EVC: variants seen among roughly 807,000 people sequenced by gnomAD.
EVC encodes evC complex member EVC.
In EVC, 116 loss-of-function variants were observed where a neutral mutation model predicts 118.9. The ratio of observed to expected loss-of-function variants is 0.98; its 90% CI spans 0.84 to 1.14. The LOEUF is 1.14. Among genes scored for constraint, EVC ranks in the 50% most tolerant of loss-of-function variants. EVC has a pLI of 0.00. For synonymous variants in EVC, 619 were observed against 534.7 expected, an observed-to-expected ratio of 1.16 and a Z score of -2.18; for missense variants, 1,401 against 1,246.4, an observed-to-expected ratio of 1.12 and a Z score of -1.87.
chr4:5,795,744 G>C (rs191653740), intron 13 of EVC, among the ~76,000 whole-genome samples: 14 of 152,218 alleles, frequency 9.2e-5, no homozygotes, highest in Non-Finnish European at 1.3e-4. Flanking sequence ...AACAGAGAGC[G>C]ATTGGGGAAT....
chr4:5,740,634 T>C (rs530065848), intron 5 of EVC, among the ~76,000 whole-genome samples: 1 of 152,144 alleles, frequency 6.6e-6, no homozygotes. Context: ...AAAGACCTCT[T>C]TAAGAAGATG....
At chr4:5,805,199 C>A (rs1343641498) in intron 17 of EVC, among the ~76,000 whole-genome samples, 4 of 152,172 alleles carry the variant, frequency 2.6e-5, no homozygotes, top group African/African-American at 4.8e-5. Context: ...GGTTGTTTAC[C>A]TGGGAGGTGA....
At chr4:5,818,075 G>A (rs1424268592), downstream of EVC, among the ~76,000 whole-genome samples, 1 of 152,180 alleles carries the variant, frequency 6.6e-6, no homozygotes, top group African/African-American at 2.4e-5. Flanking sequence ...CCTGGTGGGA[G>A]ATAATTGAAT....
At chr4:5,786,692 T>C (rs559757019) in intron 12 of EVC, among the ~76,000 whole-genome samples, 1 of 152,140 alleles carries the variant, frequency 6.6e-6, no homozygotes, top group South Asian at 2.1e-4. Flanking sequence ...GCTAACATGG[T>C]GAAACCCCGT....
At chr4:5,815,236 G>T (rs546152209), downstream of EVC, among the ~76,000 whole-genome samples, 2 of 151,906 alleles carry the variant, frequency 1.3e-5, no homozygotes, top group South Asian at 4.2e-4. Context: ...TGCACAGGTG[G>T]CAGAAGTGTG....
intron 5 of EVC, among the ~76,000 whole-genome samples, chr4:5,733,668 G>A (rs1408059025): frequency 6.6e-6 from 1 of 152,198 alleles, no homozygotes; most frequent in African/African-American, 2.4e-5. Flanking sequence ...AGGGGCCTCA[G>A]CAGAAAGATG....
At chr4:5,736,558 A>G (rs185495045) in intron 5 of EVC, among the ~76,000 whole-genome samples, 124 of 148,974 alleles carry the variant, frequency 8.3e-4, no homozygotes, top group African/African-American at 3.0e-3. Context: ...CTCTGCATCC[A>G]GCAAGTCTGT....
chr4:5,823,129 G>T, the EVC span, among the ~76,000 whole-genome samples: 2 of 152,136 alleles, frequency 1.3e-5, no homozygotes, highest in Non-Finnish European at 2.9e-5. Flanking sequence ...ATCATGCCTT[G>T]AATTTGGGCA....
At chr4:5,711,946 C>T (rs1400140974) in intron 1 of EVC, among the ~76,000 whole-genome samples, 2 of 152,196 alleles carry the variant, frequency 1.3e-5, no homozygotes. Context: ...TCCATCCTTG[C>T]GGTGTGGGTT....
chr4:5,824,876 A>G, the EVC span: 1 of 985,420 alleles, frequency 1.0e-6, no homozygotes, highest in African/African-American at 1.7e-5. Flanking sequence ...AATCACAGAT[A>G]CACTGCCCTG....
chr4:5,764,028 G>A (rs2152134088), intron 11 of EVC, among the ~76,000 whole-genome samples: 1 of 148,690 alleles, frequency 6.7e-6, no homozygotes, highest in South Asian at 2.2e-4. Context: ...GTGTGATATT[G>A]GCTGGGGGTT....
rs1335190832 is a variant in EVC at position 5,810,354 on chromosome 4, C to G, written c.2798C>G (p.Thr933Ser). 1.2e-6 allele frequency: 2 copies of G among 1,613,558 alleles called. No homozygotes were observed. The highest frequency in any genetic ancestry group is 2.7e-5 in the African/African-American group (2 of 74,910). The change falls in exon 20 of 21, where the codon ACT becomes AGT. Residue 933 changes from threonine (T) to serine (S), a missense_variant. By Grantham distance (58) the Thr-to-Ser change is moderately conservative (BLOSUM62 1). Coordinates refer to ENST00000264956, the MANE Select transcript of EVC (RefSeq NM_153717.3). ...KRGLLEKPLR[T>S]KRKKPLPQER... ...TCCTCTACAGAGAAGCCCCTAAGGACTAAAAGGAAGAAGCCCCTGCCCCAG... is the reference window on the plus strand; with the variant it reads ...TCCTCTACAGAGAAGCCCCTAAGGAGTAAAAGGAAGAAGCCCCTGCCCCAG...
chr4:5,814,768 C>A (rs971818644), downstream of EVC, among the ~76,000 whole-genome samples: 3 of 152,100 alleles, frequency 2.0e-5, no homozygotes, highest in East Asian at 1.9e-4. Flanking sequence ...CCCTGCCCCC[C>A]TCCCCAGCCC....
downstream of EVC, among the ~76,000 whole-genome samples, chr4:5,817,304 A>T (rs1319950536): frequency 6.6e-6 from 1 of 152,094 alleles, no homozygotes; most frequent in African/African-American, 2.4e-5. Flanking sequence ...CAAGCTACCC[A>T]CGTGGTGTTT....
intron 3 of EVC, among the ~76,000 whole-genome samples, chr4:5,729,956 C>T (rs968206267): frequency 2.4e-4 from 37 of 152,168 alleles, no homozygotes; most frequent in African/African-American, 7.0e-4. Context: ...CCTTCCATGG[C>T]GCTTCCAGGA....
intron 12 of EVC, among the ~76,000 whole-genome samples, chr4:5,791,706 A>C (rs1712820394): frequency 1.3e-5 from 2 of 152,090 alleles, no homozygotes; most frequent in South Asian, 4.2e-4. Flanking sequence ...CTCCTATTGA[A>C]CAACCAACCA....
the EVC span, chr4:5,821,837 C>CATCT: frequency 1.9e-6 from 3 of 1,589,510 alleles, no homozygotes; most frequent in Non-Finnish European, 2.6e-6. This position sits in a 1 kb window ranked among gnomAD's most constrained non-coding sequence, Gnocchi z 4.4. Context: ...GGATTGTTGT[C>CATCT]ATCTATCTGG....
rs140333311 is a variant in EVC at position 5,758,014 on chromosome 4, C to G, written c.1563+1652C>G. ...GCTTTGCAGATGTAATTGGTTAGATCGCACAGTTGGTTAGGTCCTACTGGA... is the reference window on the plus strand; with the variant it reads ...GCTTTGCAGATGTAATTGGTTAGATGGCACAGTTGGTTAGGTCCTACTGGA... On this transcript the variant is annotated intron_variant, in intron 11 of 20. Coordinates refer to ENST00000264956, the MANE Select transcript of EVC (RefSeq NM_153717.3). The G allele has an allele frequency of 8.6e-6, 6 of 697,366 alleles. No homozygotes were observed. The South Asian group carries it at 9.0e-5, about 10-fold the overall frequency. 43.2% of individuals were successfully genotyped at this position (697,366 alleles called of 1,614,324 possible).
intron 12 of EVC, among the ~76,000 whole-genome samples, chr4:5,788,191 T>G (rs1472082864): frequency 6.6e-6 from 1 of 152,168 alleles, no homozygotes; most frequent in African/African-American, 2.4e-5. Flanking sequence ...ACTAGAAGCT[T>G]AAAACAACAT....
Sources: allele counts gnomAD v4.1 joint callset (sites outside exome capture counted in the v4.1 genomes callset), GRCh38; gene constraint gnomAD v4.1.1; non-coding constraint Gnocchi (gnomAD v3.1); transcripts MANE v1.5; gene names NCBI Gene and HGNC (gene_info 2026-07-23, HGNC 2026-07-21).